Variants in UNC5C observed in about 807,000 individuals in gnomAD.
UNC5C encodes the protein netrin receptor UNC5C.
A neutral mutation model predicts 99.8 loss-of-function variants in UNC5C; 47 were observed. That is an observed-to-expected ratio of 0.47 (90% CI 0.37 to 0.60). The LOEUF is 0.60. Ranked by LOEUF, UNC5C falls within the 20% of genes least tolerant of loss-of-function variation. The pLI is 0.00. For missense variants in UNC5C, 1,062 were observed against 1,165.9 expected (o/e 0.91, Z 1.30); for synonymous variants, 487 against 452.2 (o/e 1.08, Z -0.98).
intron 1 of UNC5C, among the ~76,000 whole-genome samples, chr4:95,404,201 C>T (rs896669459): frequency 2.0e-5 from 3 of 152,188 alleles, no homozygotes; most frequent in Non-Finnish European, 4.4e-5. Context: ...GTATATCCCA[C>T]ATTTCAGTTA....
intron 7 of UNC5C, among the ~76,000 whole-genome samples, chr4:95,228,482 C>T (rs1185808708): frequency 6.6e-6 from 1 of 152,108 alleles, no homozygotes; most frequent in African/African-American, 2.4e-5. Context: ...TTGCAAACCC[C>T]CAGGATGTTG....
At chr4:95,221,307 ATT>A (rs1738459843) in intron 7 of UNC5C, among the ~76,000 whole-genome samples, 1 of 152,214 alleles carries the variant, frequency 6.6e-6, no homozygotes, top group African/African-American at 2.4e-5. Context: ...ACAACCTAGA[ATT>A]TTATGGTCAA....
chr4:95,425,294 G>C (rs1422291641), intron 1 of UNC5C, among the ~76,000 whole-genome samples: 1 of 152,182 alleles, frequency 6.6e-6, no homozygotes, highest in Admixed American at 6.5e-5. Flanking sequence ...AAGTATAATT[G>C]TTAGAAATAT....
chr4:95,237,446 T>G (rs1197854960), intron 7 of UNC5C, among the ~76,000 whole-genome samples: 2 of 152,220 alleles, frequency 1.3e-5, no homozygotes, highest in Admixed American at 6.5e-5. Flanking sequence ...TTCATTAGTT[T>G]TATAAGTAAC....
chr4:95,514,584 C>G (rs950184351), intron 1 of UNC5C, among the ~76,000 whole-genome samples: 13 of 150,550 alleles, frequency 8.6e-5, no homozygotes, highest in African/African-American at 2.9e-4. Context: ...TAGTGTTTAT[C>G]TCTTACATTA....
At chr4:95,541,644 A>G (rs1722923931) in intron 1 of UNC5C, among the ~76,000 whole-genome samples, 1 of 151,912 alleles carries the variant, frequency 6.6e-6, no homozygotes, top group Admixed American at 6.6e-5. Context: ...ATTTTATATT[A>G]TTATATACTC....
chr4:95,418,416 A>G (rs1746229419), intron 1 of UNC5C, among the ~76,000 whole-genome samples: 1 of 152,184 alleles, frequency 6.6e-6, no homozygotes, highest in Non-Finnish European at 1.5e-5. Context: ...TTATCTTTTA[A>G]GCAATTTTTA....
At chr4:95,484,588 A>G (rs529823469) in intron 1 of UNC5C, among the ~76,000 whole-genome samples, 1 of 151,886 alleles carries the variant, frequency 6.6e-6, no homozygotes, top group Admixed American at 6.6e-5. Flanking sequence ...GACCTTATAC[A>G]TGGTTCAGCC....
intron 1 of UNC5C, among the ~76,000 whole-genome samples, chr4:95,477,203 T>C (rs1412480120): frequency 1.3e-5 from 2 of 152,040 alleles, no homozygotes; most frequent in African/African-American, 2.4e-5. Flanking sequence ...CCTCTTGAGG[T>C]CCTGTTTAGC....
chr4:95,317,682 G>A (rs561006286), intron 2 of UNC5C, among the ~76,000 whole-genome samples: 5 of 152,266 alleles, frequency 3.3e-5, no homozygotes, highest in East Asian at 1.9e-4. Flanking sequence ...CTCTGGCCCC[G>A]AGTAGAAGGC....
chr4:95,264,369 C>G (rs1016731347), intron 4 of UNC5C, among the ~76,000 whole-genome samples: 4 of 152,116 alleles, frequency 2.6e-5, no homozygotes, highest in African/African-American at 7.2e-5. Context: ...AATATTTGTC[C>G]TCGTAGGCTT....
intron 1 of UNC5C, among the ~76,000 whole-genome samples, chr4:95,468,992 G>A (rs1314296831): frequency 6.6e-6 from 1 of 152,106 alleles, no homozygotes; most frequent in African/African-American, 2.4e-5. Flanking sequence ...GTCAGCTGAT[G>A]TTTTTCTTTT....
At chr4:95,429,280 T>TAAAAAAAAAAAAAA (rs112203195) in intron 1 of UNC5C, among the ~76,000 whole-genome samples, 1 of 94,958 alleles carries the variant, frequency 1.1e-5, no homozygotes, top group African/African-American at 3.0e-5. Flanking sequence ...TAGTGATTCT[T>TAAAAAAAAAAAAAA]AAAAAAAAAA....
intron 2 of UNC5C, among the ~76,000 whole-genome samples, chr4:95,333,568 T>C (rs11931375): frequency 0.054 from 6,292 of 116,052 alleles, 477 homozygotes; most frequent in African/African-American, 0.19. Context: ...CTGCGGACTA[T>C]TGTGGGGTGG....
chr4:95,335,721 A>G lies in UNC5C; in HGVS notation c.125-90T>C, dbSNP rs1391564368. 3.8e-6 allele frequency: 4 copies of G among 1,040,122 alleles called. 1 individual carries two copies. Among genetic ancestry groups the G allele is most frequent in the Non-Finnish European group, 5.6e-6 (4 of 720,096 alleles). 64.4% of individuals were successfully genotyped at this position (1,040,122 alleles called of 1,614,324 possible). On this transcript the variant is annotated intron_variant, in intron 1 of 15. Coordinates refer to ENST00000453304, the MANE Select transcript of UNC5C (RefSeq NM_003728.4). ...GTCATGTAAAAATAGTGACTTATAA[A>G]TGCAGTAATTAAGTGATTTGAATGC...
At chr4:95,461,848 C>T (rs1216681270) in intron 1 of UNC5C, among the ~76,000 whole-genome samples, 1 of 152,214 alleles carries the variant, frequency 6.6e-6, no homozygotes, top group African/African-American at 2.4e-5. Flanking sequence ...AGTCAGATTG[C>T]TTTCCCTGCT....
At chr4:95,305,848 C>T (rs1015076553) in intron 2 of UNC5C, among the ~76,000 whole-genome samples, 7 of 151,996 alleles carry the variant, frequency 4.6e-5, no homozygotes, top group African/African-American at 1.5e-4. Flanking sequence ...CAAATGCAAC[C>T]CTCTGATTGG....
rs1206755223 is a variant in UNC5C, at chr4:95,361,803, A to G, written c.125-26172T>C. Among the ~76,000 whole-genome samples, 5 of 152,272 alleles carry G rather than the reference A, an allele frequency of 3.3e-5. No individual in the cohort carries two copies. The East Asian group carries it at 9.6e-4, about 29-fold the overall frequency. On this transcript the variant is annotated intron_variant, in intron 1 of 15. Transcript: ENST00000453304. ...CAAAAAAATCAAACTGCCTTTTTTC[A>G]CAGATTAGGAAATCAAGCTGAATCA...
chr4:95,483,831 A>C (rs909899800), intron 1 of UNC5C, among the ~76,000 whole-genome samples: 2 of 151,832 alleles, frequency 1.3e-5, no homozygotes, highest in Non-Finnish European at 2.9e-5. Flanking sequence ...ACAAGGGAAA[A>C]AAGAAAGTAA....
Sources: gnomAD v4.1 joint callset for allele counts (sites outside exome capture counted in the v4.1 genomes callset) on GRCh38, gnomAD v4.1.1 for gene constraint, MANE v1.5 for transcripts, NCBI Gene and HGNC (gene_info 2026-07-23, HGNC 2026-07-21) for gene names.